SPATA3: variants seen among roughly 807,000 people sequenced by gnomAD.
The protein encoded by SPATA3 is spermatogenesis-associated protein 3.
SPATA3 carries 6 observed loss-of-function variants against 5.7 expected under a neutral mutation model. The ratio of observed to expected loss-of-function variants is 1.06; its 90% CI spans 0.58 to 2.09. The LOEUF is 2.09. Ranked by LOEUF, SPATA3 falls within the 30% of genes most tolerant of loss-of-function variation. The pLI is 0.00. For synonymous variants in SPATA3, 44 were observed against 48.4 expected (o/e 0.91, Z 0.37); for missense variants, 155 against 130.4 (o/e 1.19, Z -0.92).
chr2:231,000,270 C>T (rs535519122), intron 1 of SPATA3, 96 bp from the exon 2 acceptor site: 72 of 1,150,464 alleles, frequency 6.3e-5, no homozygotes, highest in Middle Eastern at 5.6e-4. Flanking sequence ...CAGCTGCTGC[C>T]GTTGTGGGGG....
downstream of SPATA3, chr2:231,002,897 G>A (rs1447188383): frequency 1.5e-6 from 1 of 679,082 alleles, no homozygotes; most frequent in Non-Finnish European, 2.2e-6. Flanking sequence ...GGCCTCTCAA[G>A]GGAAGCTTGC....
intron 1 of SPATA3, 111 bp from the exon 2 acceptor site, chr2:231,000,255 T>C: frequency 9.7e-7 from 1 of 1,030,676 alleles, no homozygotes; most frequent in Non-Finnish European, 1.3e-6. Context: ...GCCCTGGTAA[T>C]CCTGCAGCTG....
At chr2:230,999,677 G>A (rs1002294011) in intron 1 of SPATA3, 12 of 168,984 alleles carry the variant, frequency 7.1e-5, no homozygotes, top group African/African-American at 2.9e-4. Context: ...CCATACCAGA[G>A]GAGGACAGAA....
chr2:230,996,263 G>A (rs1433306956), intron 1 of SPATA3: 1 of 1,522,082 alleles, frequency 6.6e-7, no homozygotes, highest in Non-Finnish European at 8.8e-7. Flanking sequence ...AAAGGTCAGA[G>A]GCCAGACGCC....
At chr2:231,002,982 A>T (rs751372257), downstream of SPATA3, among the ~76,000 whole-genome samples, 1 of 152,028 alleles carries the variant, frequency 6.6e-6, no homozygotes, top group Non-Finnish European at 1.5e-5. Flanking sequence ...CTCTCAGATG[A>T]CGCTAGACTC....
At chr2:231,018,149 T>C (rs1459632190) in intron 6 of SPATA3, among the ~76,000 whole-genome samples, 1 of 152,088 alleles carries the variant, frequency 6.6e-6, no homozygotes, top group Non-Finnish European at 1.5e-5. Context: ...GGTCTCGAAC[T>C]CCTGACCTCA....
chr2:231,002,095 C>T (rs11676239), intron 2 of SPATA3, among the ~76,000 whole-genome samples: 55,156 of 152,074 alleles, frequency 0.36, 10,172 homozygotes, highest in East Asian at 0.46. Context: ...TTTAATTCTG[C>T]TCCAATTTTA....
chr2:231,014,508 A>G (rs908063693), intron 6 of SPATA3, among the ~76,000 whole-genome samples: 2 of 152,044 alleles, frequency 1.3e-5, no homozygotes, highest in African/African-American at 4.8e-5. Context: ...TGGGGTCTGG[A>G]GTAAGTCTCC....
chr2:231,011,094 A>G (rs1692774750), downstream of SPATA3, among the ~76,000 whole-genome samples: 2 of 135,272 alleles, frequency 1.5e-5, no homozygotes, highest in Admixed American at 7.3e-5. Flanking sequence ...AAAAAAGAAA[A>G]GAAAAAGAAA....
chr2:231,016,302 G>A (rs1255208384), intron 6 of SPATA3, among the ~76,000 whole-genome samples: 1 of 151,822 alleles, frequency 6.6e-6, no homozygotes, highest in Admixed American at 6.6e-5. Context: ...CTCCTCAGAG[G>A]AGCAGATCTC....
chr2:230,999,279 G>A (rs78831813), intron 1 of SPATA3, among the ~76,000 whole-genome samples: 6,941 of 152,144 alleles, frequency 0.046, 196 homozygotes, highest in East Asian at 0.15. Flanking sequence ...GTTTCTTTTT[G>A]GGGAAATGAA....
Position 230,996,536 on chromosome 2 carries a change from T to C in SPATA3, c.791-3830T>C, listed in dbSNP as rs996232053. 47 of 1,551,358 alleles carry C rather than the reference T, an allele frequency of 3.0e-5. No individual in the cohort carries two copies. The highest frequency in any genetic ancestry group is 3.9e-5 in the Non-Finnish European group (45 of 1,146,806). ...CAGCCCCTCAATCCAGGAAAGCAGG[T>C]GGGCTGTCTTCTAGCTTCAGCAGTT... On this transcript the variant is annotated intron_variant, in intron 1 of 2. Transcript: ENST00000645363.
downstream of SPATA3, among the ~76,000 whole-genome samples, chr2:231,011,240 G>A (rs141572747): frequency 0.036 from 5,536 of 151,932 alleles, 124 homozygotes; most frequent in East Asian, 0.14. Context: ...TCAGCCTCCC[G>A]AGTAGCTGGG....
chr2:231,013,458 A>G (rs1302591343), intron 5 of SPATA3, among the ~76,000 whole-genome samples: 1 of 152,004 alleles, frequency 6.6e-6, no homozygotes, highest in African/African-American at 2.4e-5. Context: ...CTCACCTGTT[A>G]ATGGACATTC....
chr2:231,011,086 AAAAG>A (rs1204227336), downstream of SPATA3, among the ~76,000 whole-genome samples: 7 of 143,994 alleles, frequency 4.9e-5, no homozygotes, highest in Non-Finnish European at 7.5e-5. Context: ...AAAAAAAAAA[AAAAG>A]AAAAGAAAAA....
chr2:231,002,663 C>A (rs546756494), intron 2 of SPATA3, 21 bp from the exon 3 acceptor site: 4 of 1,439,434 alleles, frequency 2.8e-6, no homozygotes, highest in East Asian at 5.5e-5. Context: ...CCACCACCCC[C>A]ACTTCTGCTT....
chr2:231,009,538 C>T (rs1692726823), downstream of SPATA3, among the ~76,000 whole-genome samples: 1 of 152,214 alleles, frequency 6.6e-6, no homozygotes, highest in Non-Finnish European at 1.5e-5. Context: ...CACCAAAACC[C>T]CAAGAGCATC....
intron 1 of SPATA3, among the ~76,000 whole-genome samples, chr2:230,997,406 T>C (rs534855903): frequency 1.9e-4 from 29 of 152,320 alleles, no homozygotes; most frequent in East Asian, 7.7e-4. Context: ...GTAAATTGCC[T>C]AGTCTCAGAT....
chr2:231,000,105 G>T (rs1397072263), intron 1 of SPATA3, among the ~76,000 whole-genome samples: 2 of 152,124 alleles, frequency 1.3e-5, no homozygotes, highest in Non-Finnish European at 2.9e-5. Flanking sequence ...CTCCCAGGTA[G>T]CACCAGTATA....
Sources: gnomAD v4.1 joint callset for allele counts (sites outside exome capture counted in the v4.1 genomes callset) on GRCh38, gnomAD v4.1.1 for gene constraint, MANE v1.5 for transcripts, NCBI Gene and HGNC (gene_info 2026-07-23, HGNC 2026-07-21) for gene names.